Variants in LSP1 observed in about 807,000 individuals in gnomAD.
LSP1 encodes lymphocyte specific protein 1.
A neutral mutation model predicts 49.3 loss-of-function variants in LSP1; 32 were observed. The observed-to-expected ratio is 0.65, with a 90% CI of 0.49 to 0.87. The LOEUF is 0.87. Ranked by LOEUF, LSP1 falls within the 40% of genes least tolerant of loss-of-function variation. The pLI, the probability that LSP1 is intolerant of heterozygous loss-of-function variation, is 0.00. For missense variants in LSP1, 428 were observed against 442.6 expected (o/e 0.97, Z 0.30); for synonymous variants, 179 against 178.8 (o/e 1.00, Z -0.01).
rs971158654 is a variant in LSP1 at position 1,855,060 on chromosome 11, G to A, written c.53+1863G>A. Among the ~76,000 whole-genome samples, 6 of 152,178 alleles carry A rather than the reference G, an allele frequency of 3.9e-5. No homozygotes were observed. The East Asian group carries it at 5.8e-4, about 15-fold the overall frequency. On this transcript the variant is annotated intron_variant, in intron 1 of 10. Transcript: ENST00000311604. The stretch of plus-strand genomic sequence containing the variant: ...CTGTCAGGCGCTCCAGCTGGAGAGC[G>A]GCGGTTCTCCTGGGCTCTGCAAAGC...
chr11:1,882,907 G>A (rs754588469), intron 3 of LSP1, among the ~76,000 whole-genome samples: 2 of 152,114 alleles, frequency 1.3e-5, no homozygotes, highest in African/African-American at 4.8e-5. Context: ...CCCCTCCCCC[G>A]CAGCCGGCAG....
rs1001264437 is a variant in LSP1 at position 1,870,927 on chromosome 11, G to A, written c.54-9160G>A. 13 of 985,834 alleles carry A rather than the reference G, an allele frequency of 1.3e-5. No homozygotes were observed. The African/African-American group carries it at 1.4e-4, about 11-fold the overall frequency. The allele number at this position is 985,834 out of a possible 1,614,324, so 61.1% of individuals were successfully genotyped here. A position where few individuals can be genotyped will look rare whatever the true frequency, so the allele number is the denominator to read the frequency against. ...GCCCAGGCGCCGCAGCGCTCCCGAG[G>A]GCCGTCGAGCAAAGGCGGGAGGCGC... On this transcript the variant is annotated intron_variant, in intron 1 of 10. Coordinates refer to ENST00000311604, the MANE Select transcript of LSP1 (RefSeq NM_002339.3).
Position 1,873,948 on chromosome 11 carries a change from C to T in LSP1, c.54-6139C>T, listed in dbSNP as rs368889842. Among the ~76,000 whole-genome samples the T allele has an allele frequency of 3.3e-3, 262 of 78,592 alleles. 21 individuals carry two copies. The highest frequency in any genetic ancestry group is 0.011 in the African/African-American group (219 of 19,504). 51.6% of individuals were successfully genotyped at this position (78,592 alleles called of 152,430 possible). A position where few individuals can be genotyped will look rare whatever the true frequency, so the allele number is the denominator to read the frequency against. On this transcript the variant is annotated intron_variant, in intron 1 of 10. Coordinates refer to ENST00000311604, the MANE Select transcript of LSP1 (RefSeq NM_002339.3). ...AGGGAGGCCGGCAGAGGAGGGAGGC[C>T]GGCAGAGCAGGGAGCCCGGCGGAGG...
chr11:1,867,832 C>A (rs569022566), intron 1 of LSP1, among the ~76,000 whole-genome samples: 2 of 151,868 alleles, frequency 1.3e-5, no homozygotes, highest in Non-Finnish European at 2.9e-5. Flanking sequence ...CGTCGCCCCC[C>A]ACCCCTGCCC....
At chr11:1,882,710 A>G (rs1848596325) in intron 3 of LSP1, among the ~76,000 whole-genome samples, 1 of 152,074 alleles carries the variant, frequency 6.6e-6, no homozygotes, top group Admixed American at 6.5e-5. Flanking sequence ...CTGCTCCTGA[A>G]TGGCCCCTCT....
chr11:1,859,581 G>A (rs571122), intron 1 of LSP1: 93,366 of 154,228 alleles, frequency 0.61, 28,524 homozygotes, highest in East Asian at 0.77. Context: ...TAGCCAATTC[G>A]TTCCAGATGA....
chr11:1,868,664 G>A (rs1246833195), intron 1 of LSP1: 21 of 985,632 alleles, frequency 2.1e-5, no homozygotes, highest in Admixed American at 1.2e-4. Context: ...GGTAGCCCCC[G>A]CCCTGGCAGG....
intron 1 of LSP1, 192 bp from the exon 2 acceptor site, chr11:1,879,895 C>T (rs1485282589): frequency 1.7e-6 from 1 of 599,200 alleles, no homozygotes; most frequent in Non-Finnish European, 2.8e-6. Context: ...CAGAGGGCAC[C>T]TCATGACCAC....
intron 1 of LSP1, among the ~76,000 whole-genome samples, chr11:1,864,778 C>T (rs572481752): frequency 6.6e-6 from 1 of 151,676 alleles, no homozygotes; most frequent in East Asian, 2.0e-4. Flanking sequence ...AGCCGGCCTG[C>T]AGACCCTCGT....
At chr11:1,854,784 C>G (rs1847446434) in intron 1 of LSP1, among the ~76,000 whole-genome samples, 2 of 152,176 alleles carry the variant, frequency 1.3e-5, no homozygotes, top group African/African-American at 4.8e-5. Context: ...CCACCCCCAG[C>G]CCTGGACTAG....
intron 1 of LSP1, among the ~76,000 whole-genome samples, chr11:1,864,799 G>A (rs1431078214): frequency 3.3e-5 from 5 of 151,884 alleles, no homozygotes; most frequent in South Asian, 2.1e-4. Flanking sequence ...GCCAGGAGCC[G>A]AAGGGAGGGA....
intron 1 of LSP1, among the ~76,000 whole-genome samples, chr11:1,879,615 C>T (rs984320909): frequency 4.6e-5 from 7 of 152,196 alleles, no homozygotes; most frequent in Non-Finnish European, 1.0e-4. Context: ...GGAGGGAGCA[C>T]CCGCAGGTGG....
chr11:1,856,891 G>T (rs1201724120), intron 1 of LSP1, among the ~76,000 whole-genome samples: 2 of 152,234 alleles, frequency 1.3e-5, no homozygotes, highest in African/African-American at 2.4e-5. Context: ...AGGAAAGAGG[G>T]CAGAGCTGGG....
chr11:1,860,223 A>G (rs960315513), intron 1 of LSP1, among the ~76,000 whole-genome samples: 5 of 152,224 alleles, frequency 3.3e-5, no homozygotes, highest in Non-Finnish European at 5.9e-5. Flanking sequence ...TGAATGAAGA[A>G]TGATAGGAAG....
At chr11:1,872,689 C>T (rs76186186) in intron 1 of LSP1, among the ~76,000 whole-genome samples, 19,413 of 138,068 alleles carry the variant, frequency 0.14, 1,593 homozygotes, top group Middle Eastern at 0.26. Context: ...GTGTGTGTGG[C>T]GGGCAGACCT....
At chr11:1,862,465 G>A (rs1847667199) in intron 1 of LSP1, among the ~76,000 whole-genome samples, 1 of 152,106 alleles carries the variant, frequency 6.6e-6, no homozygotes, top group Non-Finnish European at 1.5e-5. Flanking sequence ...AATATGCCTT[G>A]GCCACATTTC....
At chr11:1,873,758 T>C (rs1290656460) in intron 1 of LSP1, among the ~76,000 whole-genome samples, 1 of 150,976 alleles carries the variant, frequency 6.6e-6, no homozygotes, top group Admixed American at 6.6e-5. Context: ...GCTAGTCTGG[T>C]GGTTGTGGGG....
chr11:1,889,114 G>A (rs1327113036), intron 10 of LSP1: 1 of 616,994 alleles, frequency 1.6e-6, no homozygotes, highest in South Asian at 1.9e-5. Context: ...CCATCCCATG[G>A]TCCTGGGCTC....
At chr11:1,873,574 A>G (rs61868781) in intron 1 of LSP1, among the ~76,000 whole-genome samples, 140,151 of 146,508 alleles carry the variant, frequency 0.96, 67,316 homozygotes, top group East Asian at 1. Context: ...GGAAGAAGGA[A>G]GAGGGAGGAA....
Sources: allele counts gnomAD v4.1 joint callset (sites outside exome capture counted in the v4.1 genomes callset), GRCh38; gene constraint gnomAD v4.1.1; transcripts MANE v1.5; gene names NCBI Gene and HGNC (gene_info 2026-07-23, HGNC 2026-07-21).